The following CEP85 variants were observed in gnomAD, a reference collection of about 807,000 sequenced individuals.
The protein encoded by CEP85 is centrosomal protein of 85 kDa.
CEP85 carries 58 observed loss-of-function variants against 93.7 expected under a neutral mutation model. The observed-to-expected ratio is 0.62, with a 90% CI of 0.50 to 0.77. The LOEUF (loss-of-function observed/expected upper bound fraction) is 0.77. Among genes scored for constraint, CEP85 ranks in the 30% least tolerant of loss-of-function variants. CEP85 has a pLI of 0.00. For missense variants in CEP85, 868 were observed against 922.0 expected, an observed-to-expected ratio of 0.94 and a Z score of 0.76; for synonymous variants, 314 against 338.6, an observed-to-expected ratio of 0.93 and a Z score of 0.80.
chr1:26,245,530 ATC>A (rs2089496984), intron 3 of CEP85, among the ~76,000 whole-genome samples: 1 of 152,040 alleles, frequency 6.6e-6, no homozygotes, highest in Non-Finnish European at 1.5e-5. Context: ...TATCTTTATT[ATC>A]TCTGCCACTT....
rs534199705 is a variant in CEP85 at position 26,272,109 on chromosome 1, AATGATGG to A, written c.1794+40_1794+46del. On this transcript the variant is annotated intron_variant, in intron 11 of 13. Coordinates refer to ENST00000451429, the MANE Select transcript of CEP85 (RefSeq NM_001319944.2). ...CCTTGGGACATGGTGGGCAGAACTT[AATGATGG>A]AATCTCTAGAATTTAGCCAATATTT... 1.4e-4 allele frequency: 223 copies of A among 1,589,360 alleles called. 2 individuals are homozygous for A. The African/African-American group carries it at 2.6e-3, about 19-fold the overall frequency.
chr1:26,277,349 C>G lies in CEP85; in HGVS notation c.*56C>G. 1 of 1,531,312 alleles carries G rather than the reference C, an allele frequency of 6.5e-7. No individual in the cohort carries two copies. The highest frequency in any genetic ancestry group is 9.0e-7 in the Non-Finnish European group (1 of 1,112,670). 94.9% of individuals were successfully genotyped at this position (1,531,312 alleles called of 1,614,324 possible). On this transcript the variant is annotated 3_prime_UTR_variant, in exon 14 of 14. Coordinates refer to ENST00000451429, the MANE Select transcript of CEP85 (RefSeq NM_001319944.2). The stretch of plus-strand genomic sequence containing the variant: ...CTGGGCTGCTGAGAGCCTAGTCCAG[C>G]AGGTTTCTGCCCTGACATTCTCTTG...
At position 26,258,261 on chromosome 1, in the gene CEP85, G is replaced by GT. The variant is rs773308134; in HGVS notation, c.1155+2dup. On this transcript the variant is annotated splice_donor_variant, in intron 6 of 13. Transcript: ENST00000451429. LOFTEE classifies it high-confidence loss of function. ...TGATGTCTGCTTGCTGAGGCTACAG[G>GT]TAAGTATTGGCCATCAGGATGGCAT... The GT allele has an allele frequency of 3.1e-6, 5 of 1,596,670 alleles. No individual in the cohort carries two copies. In the East Asian group the frequency reaches 8.9e-5, roughly 29 times the overall value.
intron 3 of CEP85, among the ~76,000 whole-genome samples, chr1:26,252,795 A>G (rs928898557): frequency 6.6e-6 from 1 of 152,142 alleles, no homozygotes; most frequent in African/African-American, 2.4e-5. Context: ...CAGTATAGCA[A>G]ATTAGATACT....
intron 1 of CEP85, among the ~76,000 whole-genome samples, 156 bp downstream of exon 1, chr1:26,234,466 A>G (rs893307115): frequency 6.6e-6 from 1 of 152,124 alleles, no homozygotes; most frequent in African/African-American, 2.4e-5. Context: ...GTGCCCCGGC[A>G]TACGCCCTCT....
At position 26,255,477 on chromosome 1, in the gene CEP85, G is replaced by A; in HGVS notation, c.515G>A (p.Arg172Lys). ...TGGTTTCCAGCAGTGGGCCATGAAA[G>A]ACAAGAAGAGGCGAGGAAGTTTGAT... The part of the protein sequence containing the change: ...QSWFPAVGHE[R>K]QEEARKFDIP... Residue 172 changes from arginine to lysine, a missense_variant, in exon 4 of 14, where the codon AGA (arginine) becomes AAA (lysine). By Grantham distance (26) the Arg-to-Lys change is conservative. Transcript: ENST00000451429. 6.2e-7 allele frequency: 1 copy of A among 1,614,146 alleles called. No individual in the cohort carries two copies. The highest frequency in any genetic ancestry group is 1.1e-5 in the South Asian group (1 of 91,080).
At chr1:26,274,697 G>A (rs1209816549) in intron 11 of CEP85, among the ~76,000 whole-genome samples, 3 of 152,146 alleles carry the variant, frequency 2.0e-5, no homozygotes, top group Admixed American at 6.5e-5. Context: ...CATGTGGAGG[G>A]TGGAAAGAGA....
At chr1:26,235,567 C>CTTTTTTTTTTTTTTTTTTTTTTTT (rs1192252673) in intron 1 of CEP85, among the ~76,000 whole-genome samples, 13 of 95,584 alleles carry the variant, frequency 1.4e-4, no homozygotes, top group African/African-American at 4.0e-4. Flanking sequence ...GATTGTAATT[C>CTTTTTTTTTTTTTTTTTTTTTTTT]TTTTTTTTTT....
At chr1:26,269,668 C>T (rs1045773668) in intron 9 of CEP85, 54 bp downstream of exon 9, 6 of 1,417,540 alleles carry the variant, frequency 4.2e-6, no homozygotes, top group Admixed American at 3.9e-5. Context: ...TTTGTCATAG[C>T]CATCCTGCTC....
intron 10 of CEP85, chr1:26,271,396 C>A (rs767692668): frequency 6.6e-6 from 2 of 303,090 alleles, no homozygotes; most frequent in Non-Finnish European, 1.2e-5. Context: ...AAGTTTGGTG[C>A]ACTTTATTCA....
Position 26,255,270 on chromosome 1 carries a change from C to T in CEP85, c.308C>T (p.Pro103Leu). The T allele has an allele frequency of 1.2e-6, 2 of 1,614,186 alleles. No homozygotes were observed. The highest frequency in any genetic ancestry group is 1.7e-6 in the Non-Finnish European group (2 of 1,180,018). ...ATGCCTTCTACTTTAGGGACCTCTC[C>T]TGCCAAGCCAAATTCTACACCTGTT... Reference protein sequence around the residue: ...HVMPSTLGTSPAKPNSTPVGP... With the variant: ...HVMPSTLGTSLAKPNSTPVGP... Residue 103 changes from proline to leucine, a missense_variant, in exon 4 of 14, where the codon CCT becomes CTT. Coordinates refer to ENST00000451429, the MANE Select transcript of CEP85 (RefSeq NM_001319944.2).
rs375194246 is a variant in CEP85 at position 26,256,550 on chromosome 1, G to A, written c.903+685G>A. Among the ~76,000 whole-genome samples, 7 of 150,790 alleles carry A rather than the reference G, an allele frequency of 4.6e-5. No homozygotes were observed. In the East Asian group the frequency reaches 1.2e-3, roughly 25 times the overall value. On this transcript the variant is annotated intron_variant, in intron 4 of 13. Transcript: ENST00000451429. ...TGTCTCAAAAAATAAATAAATAAAT[G>A]TGAAAACCTTCTTTGAGCCCCTGTG...
intron 4 of CEP85, among the ~76,000 whole-genome samples, chr1:26,257,213 G>A (rs534028394): frequency 2.2e-4 from 34 of 152,276 alleles, no homozygotes; most frequent in African/African-American, 8.2e-4. Context: ...GATTACAGGC[G>A]TGAGCCACCG....
chr1:26,265,151 T>G (rs2089875363), intron 7 of CEP85, among the ~76,000 whole-genome samples: 1 of 151,740 alleles, frequency 6.6e-6, no homozygotes, highest in South Asian at 2.1e-4. Context: ...GCCCGGCTAA[T>G]TTTTGTATTT....
chr1:26,263,741 C>G (rs1041417503), intron 7 of CEP85, among the ~76,000 whole-genome samples: 1 of 151,682 alleles, frequency 6.6e-6, no homozygotes, highest in Admixed American at 6.6e-5. Context: ...AATTGTGTAT[C>G]TATCTTGAGC....
In CEP85 at chr1:26,277,295, G is replaced by A; in HGVS notation, c.*2G>A. 6.2e-7 allele frequency: 1 copy of A among 1,607,384 alleles called. No individual in the cohort carries two copies. Among genetic ancestry groups the A allele is most frequent in the Non-Finnish European group, 8.5e-7 (1 of 1,174,246 alleles). On this transcript the variant is annotated 3_prime_UTR_variant, in exon 14 of 14. Coordinates refer to ENST00000451429, the MANE Select transcript of CEP85 (RefSeq NM_001319944.2). Reference sequence around the variant, plus strand: ...GGAGAAAACTGTGTCACACAGTGAGGAATTCTGGGGGATTCCCCCAGGGAG... The same window carrying A: ...GGAGAAAACTGTGTCACACAGTGAGAAATTCTGGGGGATTCCCCCAGGGAG...
At chr1:26,234,625 C>A (rs771945741) in intron 1 of CEP85, among the ~76,000 whole-genome samples, 1 of 152,228 alleles carries the variant, frequency 6.6e-6, no homozygotes, top group Non-Finnish European at 1.5e-5. Flanking sequence ...GAGCGCACAG[C>A]CCTGGGAGTC....
At position 26,255,682 on chromosome 1, in the gene CEP85, A is replaced by C; in HGVS notation, c.720A>C (p.Pro240=). 2 of 1,614,140 alleles carry C rather than the reference A, an allele frequency of 1.2e-6. No homozygotes were observed. Among genetic ancestry groups the C allele is most frequent in the Non-Finnish European group, 8.5e-7 (1 of 1,180,040 alleles). ...GSGAVFERNG[P]HSNSSGVLPL... ...GGGCAGTGTTTGAGCGGAATGGACC[A>C]CATTCTAATAGCAGTGGGGTCCTCC... is the stretch of plus-strand genomic sequence containing the variant. The change falls in exon 4 of 14, where the codon CCA becomes CCC. Residue 240 remains proline (P), a synonymous_variant. Coordinates refer to ENST00000451429, the MANE Select transcript of CEP85 (RefSeq NM_001319944.2).
chr1:26,253,148 A>C (rs578175361), intron 3 of CEP85, among the ~76,000 whole-genome samples: 1 of 152,190 alleles, frequency 6.6e-6, no homozygotes, highest in Admixed American at 6.5e-5. Context: ...TGATTCTATA[A>C]CTTGGCTATT....
Sources: gnomAD v4.1 joint callset for allele counts (sites outside exome capture counted in the v4.1 genomes callset) on GRCh38, gnomAD v4.1.1 for gene constraint, MANE v1.5 for transcripts, NCBI Gene and HGNC (gene_info 2026-07-23, HGNC 2026-07-21) for gene names.